The following CACNA1B variants were observed in gnomAD, a reference collection of about 807,000 sequenced individuals.
CACNA1B encodes voltage-dependent N-type calcium channel subunit alpha-1B.
Under a neutral mutation model 247.2 loss-of-function variants are expected in CACNA1B, and 70 were observed. The ratio of observed to expected loss-of-function variants is 0.28; its 90% CI spans 0.23 to 0.35. The LOEUF (loss-of-function observed/expected upper bound fraction) is 0.35, where lower values mean the gene tolerates loss of function less well. Ranked by LOEUF, CACNA1B falls within the 10% of genes least tolerant of loss-of-function variation. The probability of loss-of-function intolerance (pLI) is 1.00; values close to 1 mark genes in which losing one functional copy is unlikely to be tolerated. For synonymous variants in CACNA1B, 1,231 were observed against 1,294.4 expected, an observed-to-expected ratio of 0.95 and a Z score of 1.05; for missense variants, 2,367 against 3,197.4, an observed-to-expected ratio of 0.74 and a Z score of 6.26.
rs1957425251 is a variant in CACNA1B at position 137,917,507 on chromosome 9, G to A, written c.966+76G>A. ...GCTGGTGCCTCTGGGGGTCCATTTA[G>A]GGGGGCCCTTCTGACCTCAGAGCCT... On this transcript the variant is annotated intron_variant, in intron 6 of 46. Coordinates refer to ENST00000371372, the MANE Select transcript of CACNA1B (RefSeq NM_000718.4). The surrounding 1 kb of genome is among the most constrained non-coding windows in gnomAD (Gnocchi z 5.5). 7.5e-7 allele frequency: 1 copy of A among 1,333,866 alleles called. No homozygotes were observed. The highest frequency in any genetic ancestry group is 1.3e-5 in the South Asian group (1 of 75,474). The allele number at this position is 1,333,866 out of a possible 1,614,324, so 82.6% of individuals were successfully genotyped here.
intron 20 of CACNA1B, among the ~76,000 whole-genome samples, chr9:138,035,554 T>C (rs1959032313): frequency 6.6e-6 from 1 of 152,210 alleles, no homozygotes; most frequent in South Asian, 2.1e-4. Context: ...TTGGTAGTTG[T>C]GGCCACTTTT....
At chr9:138,070,443 C>T (rs1005593378) in intron 32 of CACNA1B, among the ~76,000 whole-genome samples, 3 of 152,240 alleles carry the variant, frequency 2.0e-5, no homozygotes, top group Admixed American at 1.3e-4. Context: ...TGTATGTGCT[C>T]GGTCAGCAAG....
At chr9:137,924,210 T>C (rs1957524553) in intron 6 of CACNA1B, among the ~76,000 whole-genome samples, 1 of 152,224 alleles carries the variant, frequency 6.6e-6, no homozygotes, top group African/African-American at 2.4e-5. Context: ...TTTTCTTTTT[T>C]TTTTTCTAAA....
chr9:137,923,404 C>T (rs1043562777), intron 6 of CACNA1B, among the ~76,000 whole-genome samples: 1 of 148,196 alleles, frequency 6.7e-6, no homozygotes, highest in South Asian at 2.2e-4. Context: ...TCCGTGGTGC[C>T]AGGTAGTATT....
Position 138,010,484 on chromosome 9 carries a change from C to G in CACNA1B, c.2160+407C>G, listed in dbSNP as rs1027686122. On this transcript the variant is annotated intron_variant, in intron 17 of 46. Transcript: ENST00000371372. This position sits in a 1 kb window ranked among gnomAD's most constrained non-coding sequence, Gnocchi z 5.3. ...TCATCCCTGAGCCTGGTGGGGGATG[C>G]AATTGTACATGTCTCCCTCTGTGAT... Among the ~76,000 whole-genome samples the G allele has an allele frequency of 6.6e-6, 1 of 152,148 alleles. No individual in the cohort carries two copies. Among genetic ancestry groups the G allele is most frequent in the Non-Finnish European group, 1.5e-5 (1 of 68,000 alleles).
chr9:137,969,107 G>A (rs545745902), intron 10 of CACNA1B, among the ~76,000 whole-genome samples: 2 of 152,264 alleles, frequency 1.3e-5, no homozygotes, highest in Non-Finnish European at 2.9e-5. Flanking sequence ...CCTCATCCCC[G>A]GGGAACAAAT....
At chr9:138,098,821 G>GCA (rs1011804456) in intron 37 of CACNA1B, among the ~76,000 whole-genome samples, 11 of 152,328 alleles carry the variant, frequency 7.2e-5, no homozygotes, top group African/African-American at 2.2e-4. Context: ...CCTTGAGATA[G>GCA]CACAGACGTG....
intron 20 of CACNA1B, among the ~76,000 whole-genome samples, chr9:138,033,940 GC>G (rs1959013805): frequency 1.3e-5 from 2 of 152,190 alleles, no homozygotes; most frequent in Admixed American, 1.3e-4. Context: ...GTAGAGAGTT[GC>G]CCCATTATTG....
chr9:138,120,749 C>T lies in CACNA1B; in HGVS notation c.6357C>T (p.Ser2119=), dbSNP rs1419487875. The change falls in exon 46 of 47, where the codon TCC becomes TCT. Residue 2119 remains serine, a synonymous_variant. Coordinates refer to ENST00000371372, the MANE Select transcript of CACNA1B (RefSeq NM_000718.4). ...CCCAGGAGCGGAGGCAGCCCTCATCCTCCTCCTCGGAGAAGCAGCGCTTCT... is the reference window on the plus strand; with the variant it reads ...CCCAGGAGCGGAGGCAGCCCTCATCTTCCTCCTCGGAGAAGCAGCGCTTCT... ...GRSQERRQPS[S]SSSEKQRFYS... 1 of 1,547,672 alleles carries T rather than the reference C, an allele frequency of 6.5e-7. No homozygotes were observed. Among genetic ancestry groups the T allele is most frequent in the Non-Finnish European group, 8.7e-7 (1 of 1,146,798 alleles).
chr9:138,067,060 G>C (rs898085491), intron 31 of CACNA1B, among the ~76,000 whole-genome samples: 4 of 152,160 alleles, frequency 2.6e-5, no homozygotes, highest in African/African-American at 9.7e-5. Flanking sequence ...GTACAGGAGA[G>C]AGTAACGTGA....
Position 138,007,835 on chromosome 9 carries a change from C to T in CACNA1B, c.2092+951C>T, listed in dbSNP as rs759789332. On this transcript the variant is annotated intron_variant, in intron 16 of 46. Transcript: ENST00000371372. This position sits in a 1 kb window ranked among gnomAD's most constrained non-coding sequence, Gnocchi z 4.1. ...GCTTCTACCCCGAACTTCTCACACA[C>T]GATGGCCACTCCACCCCGTCTGTCT... 5.9e-5 allele frequency among the ~76,000 whole-genome samples: 9 copies of T among 152,220 alleles called. No individual in the cohort carries two copies. Among genetic ancestry groups the T allele is most frequent in the African/African-American group, 1.7e-4 (7 of 41,446 alleles).
intron 38 of CACNA1B, among the ~76,000 whole-genome samples, chr9:138,104,675 C>G (rs1255594877): frequency 6.6e-6 from 1 of 152,170 alleles, no homozygotes; most frequent in Non-Finnish European, 1.5e-5. Flanking sequence ...TATGGCCCTC[C>G]CTAGAGAAGA....
chr9:137,914,883 T>C lies in CACNA1B; in HGVS notation c.775+77T>C. 1 of 1,509,998 alleles carries C rather than the reference T, an allele frequency of 6.6e-7. No homozygotes were observed. Among genetic ancestry groups the C allele is most frequent in the Non-Finnish European group, 8.9e-7 (1 of 1,119,748 alleles). The allele number at this position is 1,509,998 out of a possible 1,614,324, so 93.5% of individuals were successfully genotyped here. A position where few individuals can be genotyped will look rare whatever the true frequency, so the allele number is the denominator to read the frequency against. On this transcript the variant is annotated intron_variant, in intron 5 of 46. Coordinates refer to ENST00000371372, the MANE Select transcript of CACNA1B (RefSeq NM_000718.4). The surrounding 1 kb of genome is among the most constrained non-coding windows in gnomAD (Gnocchi z 4.3). ...TCCAGGAGATGGGCACTGTTCTAGG[T>C]GCTAGAGGGGCCTTCTTGGTGCCAG... is the stretch of plus-strand genomic sequence containing the variant.
intron 18 of CACNA1B, among the ~76,000 whole-genome samples, chr9:138,016,371 C>A (rs1002308604): frequency 1.4e-4 from 22 of 152,234 alleles, no homozygotes; most frequent in Admixed American, 1.4e-3. Context: ...GCTTTGGTTT[C>A]TTTCTGTTGG....
chr9:138,124,290 A>G lies in CACNA1B; in HGVS notation c.*2291A>G, dbSNP rs1266373114. ...GTGTGCATGTAACATATATACATAT[A>G]TACATATATACAAGTATGTGCATGA... On this transcript the variant is annotated 3_prime_UTR_variant, in exon 47 of 47. Transcript: ENST00000371372. 1.3e-5 allele frequency: 2 copies of G among 152,230 alleles called. No homozygotes were observed. Among genetic ancestry groups the G allele is most frequent in the African/African-American group, 4.8e-5 (2 of 41,454 alleles). The allele number at this position is 152,230 out of a possible 1,614,324, so 9.4% of individuals were successfully genotyped here.
Position 137,954,626 on chromosome 9 carries a change from G to A in CACNA1B, c.1071-1072G>A, listed in dbSNP as rs1342078943. 1.3e-5 allele frequency among the ~76,000 whole-genome samples: 2 copies of A among 152,204 alleles called. No homozygotes were observed. The highest frequency in any genetic ancestry group is 2.9e-5 in the Non-Finnish European group (2 of 68,034). On this transcript the variant is annotated intron_variant, in intron 7 of 46. Transcript: ENST00000371372. This position sits in a 1 kb window ranked among gnomAD's most constrained non-coding sequence, Gnocchi z 4.1. ...CACAGGGATTGGTCTGGGTGGGGAG[G>A]CCACAGTGGACCCTGCCTTCCTGTA...
At chr9:138,106,650 A>G (rs544195182) in intron 39 of CACNA1B, among the ~76,000 whole-genome samples, 1 of 152,262 alleles carries the variant, frequency 6.6e-6, no homozygotes, top group East Asian at 1.9e-4. Context: ...ACGTGCCTGT[A>G]TTCCTAGCTA....
rs1349178473 is a variant in CACNA1B, at chr9:137,971,463, C to T, written c.1414C>T (p.Arg472Trp). The T allele has an allele frequency of 1.9e-6, 3 of 1,613,544 alleles. No homozygotes were observed. Among genetic ancestry groups the T allele is most frequent in the Non-Finnish European group, 2.5e-6 (3 of 1,179,702 alleles). Residue 472 changes from arginine (R) to tryptophan (W), a missense_variant, in exon 11 of 47, where the codon CGG (arginine) becomes TGG (tryptophan). Arg to Trp is a moderately radical substitution (Grantham distance 101, BLOSUM62 -3). Around this residue, in one of 12 missense-constraint regions of CACNA1B, gnomAD observed 219 missense variants for 297.6 expected, o/e 0.74. Transcript: ENST00000371372. This position sits in a 1 kb window ranked among gnomAD's most constrained non-coding sequence, Gnocchi z 4.4. ...CTTCCGGAGGAAGGAGAAGATGTTC[C>T]GGTTTTTTATCCGGCGCATGGTGAA... ...SYFRRKEKMF[R>W]FFIRRMVKAQ... is the part of the protein sequence containing the mutation.
intron 1 of CACNA1B, 32 bp downstream of exon 1, chr9:137,878,249 G>C: frequency 1.7e-6 from 2 of 1,209,332 alleles, no homozygotes; most frequent in South Asian, 3.9e-5. Flanking sequence ...GGCGGGGCCG[G>C]GCGGGGACCG....
Sources: gnomAD v4.1 joint callset for allele counts (sites outside exome capture counted in the v4.1 genomes callset) on GRCh38, gnomAD v4.1.1 for gene constraint, gnomAD v4.1.1 regional missense constraint, Gnocchi (gnomAD v3.1) non-coding constraint, MANE v1.5 for transcripts, NCBI Gene and HGNC (gene_info 2026-07-23, HGNC 2026-07-21) for gene names.